Variants in NECAB3 observed in about 807,000 individuals in gnomAD.
NECAB3 encodes N-terminal EF-hand calcium-binding protein 3.
In NECAB3, 38 loss-of-function variants were observed where a neutral mutation model predicts 57.2. The observed-to-expected ratio is 0.66, with a 90% CI of 0.51 to 0.87. The LOEUF (loss-of-function observed/expected upper bound fraction) is 0.87. Ranked by LOEUF, NECAB3 falls within the 40% of genes least tolerant of loss-of-function variation. NECAB3 has a pLI of 0.00. For missense variants in NECAB3, 474 were observed against 527.5 expected (o/e 0.90, Z 0.99); for synonymous variants, 223 against 222.6 (o/e 1.00, Z -0.02).
At position 33,662,142 on chromosome 20, in the gene NECAB3, TATG is replaced by T. The variant is rs2017495517; in HGVS notation, c.388-1750_388-1748del. The T allele has an allele frequency of 1.3e-5, 8 of 616,188 alleles. No homozygotes were observed. In the Admixed American group the frequency reaches 2.6e-4, roughly 20 times the overall value. 38.2% of individuals were successfully genotyped at this position (616,188 alleles called of 1,614,324 possible). A position where few individuals can be genotyped will look rare whatever the true frequency, so the allele number is the denominator to read the frequency against. Reference sequence around the variant, plus strand: ...AGCACCTTACATGCATTGCCTCATTTATGATCATTAGCCCAGTTTTACAGCTGA... The same window carrying T: ...AGCACCTTACATGCATTGCCTCATTTATCATTAGCCCAGTTTTACAGCTGA... On this transcript the variant is annotated intron_variant, in intron 5 of 11. Transcript: ENST00000246190.
intron 5 of NECAB3, among the ~76,000 whole-genome samples, chr20:33,666,246 C>T (rs919468062): frequency 1.3e-5 from 2 of 152,018 alleles, no homozygotes; most frequent in African/African-American, 4.8e-5. Flanking sequence ...GGGTAGGGGG[C>T]CACACATCTG....
At chr20:33,667,435 C>A in intron 5 of NECAB3, 1 of 1,412,920 alleles carries the variant, frequency 7.1e-7, no homozygotes, top group Middle Eastern at 2.6e-4. Flanking sequence ...GTTGGCGCCG[C>A]CCGCGGGCCG....
intron 5 of NECAB3, among the ~76,000 whole-genome samples, chr20:33,661,493 C>A (rs1040520700): frequency 1.3e-5 from 2 of 152,198 alleles, no homozygotes; most frequent in Non-Finnish European, 1.5e-5. Context: ...GAGGCTGGGT[C>A]TTTTCATTCT....
At chr20:33,662,416 T>C (rs2122475815) in intron 5 of NECAB3, 4 of 1,551,602 alleles carry the variant, frequency 2.6e-6, no homozygotes, top group African/African-American at 1.4e-5. Context: ...CCGGCTGACA[T>C]GGACAAGGCC....
intron 8 of NECAB3, 71 bp from the exon 9 acceptor site, chr20:33,658,905 G>A (rs2017370555): frequency 1.9e-6 from 2 of 1,075,226 alleles, no homozygotes; most frequent in East Asian, 2.5e-5. Flanking sequence ...TGGCCTCCAG[G>A]AGGTTCTCAG....
chr20:33,662,211 C>T (rs1227730087), intron 5 of NECAB3: 2 of 1,188,330 alleles, frequency 1.7e-6, no homozygotes, highest in Non-Finnish European at 2.3e-6. Flanking sequence ...CCCAGATTCA[C>T]CTGTGGGCCC....
intron 1 of NECAB3, among the ~76,000 whole-genome samples, chr20:33,673,288 G>C (rs1014491465): frequency 1.3e-5 from 2 of 152,180 alleles, no homozygotes; most frequent in African/African-American, 4.8e-5. Context: ...TGAACTCCAG[G>C]TCCTGAACGC....
chr20:33,664,292 C>A lies in NECAB3; in HGVS notation c.388-3897G>T, dbSNP rs146467962. ...CCTCTTAGGCATGAGGGAGGGTTCC[C>A]GGCCAACAGGCACCATCCTGGGTAA... is the stretch of plus-strand genomic sequence containing the variant. On this transcript the variant is annotated intron_variant, in intron 5 of 11. Transcript: ENST00000246190. The A allele has an allele frequency of 5.4e-3, 916 of 168,822 alleles. 6 individuals are homozygous for A. The highest frequency in any genetic ancestry group is 0.02 in the African/African-American group (854 of 42,084). 10.5% of individuals were successfully genotyped at this position (168,822 alleles called of 1,614,324 possible).
intron 8 of NECAB3, 96 bp downstream of exon 8, chr20:33,659,401 T>G (rs942763969): frequency 4.3e-5 from 49 of 1,136,808 alleles, no homozygotes; most frequent in Non-Finnish European, 5.9e-5. Flanking sequence ...ACATGCGCAC[T>G]GCAGAGGGTT....
At chr20:33,663,484 C>G in intron 5 of NECAB3, 1 of 1,559,732 alleles carries the variant, frequency 6.4e-7, no homozygotes, top group Non-Finnish European at 8.6e-7. Context: ...GGGTCGTGGG[C>G]TCGGCCCTAG....
intron 8 of NECAB3, 120 bp downstream of exon 8, chr20:33,659,377 C>T (rs1317161657): frequency 4.7e-6 from 4 of 850,440 alleles, no homozygotes; most frequent in Non-Finnish European, 6.9e-6. Context: ...GCTTGCCAGG[C>T]CTGGGGGCGG....
Position 33,659,502 on chromosome 20 carries a change from C to G in NECAB3, c.874G>C (p.Asp292His). ...LREEDLAKGP[D>H]LHILMAQRQV... The stretch of plus-strand genomic sequence containing the variant: ...TGCCCCTCTCCTGGGCTCACCAAGT[C>G]AGGCCCCTTGGCCAGGTCCTCTTCA... Residue 292 changes from aspartate (D) to histidine (H), a missense_variant, in exon 8 of 12, where the codon GAC becomes CAC. Transcript: ENST00000246190. 6.8e-7 allele frequency: 1 copy of G among 1,480,176 alleles called. No individual in the cohort carries two copies. Among genetic ancestry groups the G allele is most frequent in the South Asian group, 1.3e-5 (1 of 74,588 alleles). 91.7% of individuals were successfully genotyped at this position (1,480,176 alleles called of 1,614,324 possible).
chr20:33,670,871 C>T, intron 2 of NECAB3, 79 bp from the exon 3 acceptor site: 1 of 1,004,742 alleles, frequency 1.0e-6, no homozygotes, highest in Admixed American at 2.1e-5. Flanking sequence ...GGTCCAGGGT[C>T]CCAAAGGCCT....
At chr20:33,667,447 G>A in intron 5 of NECAB3, 1 of 1,415,586 alleles carries the variant, frequency 7.1e-7, no homozygotes, top group Non-Finnish European at 9.2e-7. Context: ...CGCGGGCCGC[G>A]AAAGGGTGGC....
chr20:33,672,394 TCAC>T lies in NECAB3; in HGVS notation c.154+1_154+3del. The T allele has an allele frequency of 1.2e-6, 2 of 1,614,062 alleles. No homozygotes were observed. The highest frequency in any genetic ancestry group is 8.5e-7 in the Non-Finnish European group (1 of 1,179,968). On this transcript the variant is annotated splice_donor_variant and splice_donor_region_variant and intron_variant, in intron 2 of 11. Coordinates refer to ENST00000246190, the MANE Select transcript of NECAB3 (RefSeq NM_031232.4). LOFTEE classifies it high-confidence loss of function. ...CTGTGGGACCCAGGGGAAGCCACAC[TCAC>T]CATTCTTGTCTGCTCTGCGGAAAAC...
rs529396770 is a variant in NECAB3 at position 33,662,632 on chromosome 20, A to G, written c.388-2237T>C. On this transcript the variant is annotated intron_variant, in intron 5 of 11. Transcript: ENST00000246190. Reference sequence around the variant, plus strand: ...AATCTCTCCCAAGGATGAGGATCCCAGGAGCCCATATGGGTGTGGATGGGG... The same window carrying G: ...AATCTCTCCCAAGGATGAGGATCCCGGGAGCCCATATGGGTGTGGATGGGG... 1.8e-5 allele frequency: 15 copies of G among 846,296 alleles called. No individual in the cohort carries two copies. In the South Asian group the frequency reaches 2.5e-4, roughly 14 times the overall value. 52.4% of individuals were successfully genotyped at this position (846,296 alleles called of 1,614,324 possible). A position where few individuals can be genotyped will look rare whatever the true frequency, so the allele number is the denominator to read the frequency against.
intron 3 of NECAB3, 178 bp downstream of exon 3, chr20:33,670,506 T>C (rs774634768): frequency 6.1e-6 from 3 of 495,528 alleles, no homozygotes; most frequent in African/African-American, 2.0e-5. Flanking sequence ...AGCAGTGTAG[T>C]GGGCAAGGCT....
At chr20:33,661,260 G>C (rs996343639) in intron 5 of NECAB3, among the ~76,000 whole-genome samples, 6 of 152,150 alleles carry the variant, frequency 3.9e-5, no homozygotes, top group Non-Finnish European at 8.8e-5. Flanking sequence ...GTACACCCAG[G>C]AGTCACAGAT....
chr20:33,658,974 G>A, intron 8 of NECAB3, 140 bp from the exon 9 acceptor site: 1 of 640,354 alleles, frequency 1.6e-6, no homozygotes, highest in Non-Finnish European at 2.8e-6. Flanking sequence ...AGGCTGGAGT[G>A]CAGTGGTGTG....
Sources: gnomAD v4.1 joint callset for allele counts (sites outside exome capture counted in the v4.1 genomes callset) on GRCh38, gnomAD v4.1.1 for gene constraint, MANE v1.5 for transcripts, NCBI Gene and HGNC (gene_info 2026-07-23, HGNC 2026-07-21) for gene names.